Variants in CLASP1 observed in about 807,000 individuals in gnomAD.
The protein encoded by CLASP1 is cytoplasmic linker associated protein 1, also known as CLIP-associating protein 1.
CLASP1 carries 38 observed loss-of-function variants against 192.3 expected under a neutral mutation model. That is an observed-to-expected ratio of 0.20 (90% CI 0.15 to 0.26). The LOEUF (loss-of-function observed/expected upper bound fraction) is 0.26. CLASP1 is among the 10% of genes least tolerant of loss of function. The probability of loss-of-function intolerance (pLI) is 1.00; values close to 1 mark genes in which losing one functional copy is unlikely to be tolerated. For synonymous variants in CLASP1, 691 were observed against 712.8 expected (o/e 0.97, Z 0.49); for missense variants, 1,433 against 1,932.5 (o/e 0.74, Z 4.85).
intron 1 of CLASP1, among the ~76,000 whole-genome samples, chr2:121,644,137 C>T (rs1412189283): frequency 2.0e-5 from 3 of 152,180 alleles, no homozygotes; most frequent in Non-Finnish European, 4.4e-5. Flanking sequence ...ATTAACACTG[C>T]CCTCCCCTCA....
chr2:121,471,677 G>C (rs1403298170), intron 8 of CLASP1, among the ~76,000 whole-genome samples: 1 of 152,142 alleles, frequency 6.6e-6, no homozygotes, highest in Non-Finnish European at 1.5e-5. Context: ...ACACAGCGTA[G>C]GGGGAGGAGG....
intron 2 of CLASP1, among the ~76,000 whole-genome samples, chr2:121,585,883 G>C (rs1235123329): frequency 7.1e-6 from 1 of 140,780 alleles, no homozygotes; most frequent in Non-Finnish European, 1.5e-5. Flanking sequence ...CTGAGCAACA[G>C]AGCAAGACTC....
At chr2:121,490,905 C>G (rs1006709485) in intron 8 of CLASP1, among the ~76,000 whole-genome samples, 1 of 152,128 alleles carries the variant, frequency 6.6e-6, no homozygotes, top group Non-Finnish European at 1.5e-5. Context: ...GAATTGGCAC[C>G]TGATCCACTT....
At chr2:121,552,418 G>C (rs1007818454) in intron 2 of CLASP1, among the ~76,000 whole-genome samples, 3 of 152,132 alleles carry the variant, frequency 2.0e-5, no homozygotes, top group Non-Finnish European at 4.4e-5. Flanking sequence ...TACAGAATGG[G>C]AGAAAATATT....
intron 2 of CLASP1, among the ~76,000 whole-genome samples, chr2:121,553,838 A>G (rs2058267405): frequency 6.6e-6 from 1 of 152,198 alleles, no homozygotes; most frequent in Non-Finnish European, 1.5e-5. Flanking sequence ...TATTATTCAT[A>G]ATGGCAAAAA....
intron 24 of CLASP1, among the ~76,000 whole-genome samples, chr2:121,408,229 G>A (rs866388952): frequency 1.3e-5 from 2 of 152,198 alleles, no homozygotes; most frequent in Non-Finnish European, 1.5e-5. Context: ...GTAAACTTGT[G>A]TGAATATTTA....
chr2:121,586,729 G>C (rs1410871403), intron 2 of CLASP1, among the ~76,000 whole-genome samples: 1 of 152,170 alleles, frequency 6.6e-6, no homozygotes, highest in Admixed American at 6.5e-5. Flanking sequence ...GGCCCTGTGA[G>C]CATAAATCCT....
chr2:121,496,587 C>CT (rs2093543379), intron 8 of CLASP1, among the ~76,000 whole-genome samples: 1 of 54,990 alleles, frequency 1.8e-5, no homozygotes, highest in Non-Finnish European at 3.1e-5. Context: ...AAAGCTGGTT[C>CT]GGTGAAACAA....
intron 7 of CLASP1, among the ~76,000 whole-genome samples, chr2:121,507,491 A>G (rs1048570041): frequency 6.6e-6 from 1 of 152,216 alleles, no homozygotes; most frequent in South Asian, 2.1e-4. Context: ...AAGTCCCAGG[A>G]AAACAGAAAA....
At chr2:121,649,035 G>C (rs926758734) in intron 1 of CLASP1, among the ~76,000 whole-genome samples, 4 of 152,224 alleles carry the variant, frequency 2.6e-5, no homozygotes, top group African/African-American at 9.6e-5. Flanking sequence ...TCTCCCACCC[G>C]GCAGGGGAGA....
At chr2:121,474,981 G>A (rs544188044) in intron 8 of CLASP1, among the ~76,000 whole-genome samples, 1 of 152,134 alleles carries the variant, frequency 6.6e-6, no homozygotes, top group South Asian at 2.1e-4. Flanking sequence ...TAGAAACTAC[G>A]AAAAGCAAAC....
intron 2 of CLASP1, among the ~76,000 whole-genome samples, chr2:121,572,078 T>C (rs998610482): frequency 1.3e-5 from 2 of 152,184 alleles, no homozygotes; most frequent in East Asian, 3.9e-4. Context: ...CTGATTCCTA[T>C]AGCAGAGGCA....
chr2:121,392,885 C>A (rs893595419), intron 30 of CLASP1, among the ~76,000 whole-genome samples: 1 of 152,138 alleles, frequency 6.6e-6, no homozygotes, highest in African/African-American at 2.4e-5. Context: ...GCTTTTTCAC[C>A]TTGCCCAAAC....
chr2:121,447,612 T>G, intron 18 of CLASP1, 105 bp from the exon 19 acceptor site: 2 of 960,210 alleles, frequency 2.1e-6, no homozygotes, highest in Non-Finnish European at 3.0e-6. Context: ...AATACCAAGT[T>G]TTAACAAATG....
intron 16 of CLASP1, among the ~76,000 whole-genome samples, chr2:121,450,308 G>C (rs937369557): frequency 2.0e-5 from 3 of 150,932 alleles, no homozygotes; most frequent in Non-Finnish European, 4.4e-5. Flanking sequence ...TCCAGCCTGG[G>C]CAACAAAATG....
chr2:121,531,109 G>A (rs996949966), intron 2 of CLASP1: 15 of 639,332 alleles, frequency 2.3e-5, no homozygotes, highest in Admixed American at 9.2e-5. Flanking sequence ...AAGACGCGTG[G>A]TTTTAGTGTC....
At chr2:121,644,677 T>G (rs1052399589) in intron 1 of CLASP1, among the ~76,000 whole-genome samples, 2 of 151,804 alleles carry the variant, frequency 1.3e-5, no homozygotes, top group Non-Finnish European at 2.9e-5. Context: ...AGGGGAATAG[T>G]TGGGCCAGGC....
chr2:121,500,401 GAAAGAAAGAAAGAAAAAAAAGA>G, intron 8 of CLASP1, among the ~76,000 whole-genome samples: 1 of 105,628 alleles, frequency 9.5e-6, no homozygotes, highest in Non-Finnish European at 2.0e-5. Context: ...AGAAAGAAAA[GAAAGAAAGAAAGAAAAAAAAGA>G]AAAGAGAAAA....
intron 1 of CLASP1, among the ~76,000 whole-genome samples, chr2:121,611,514 G>GGAA (rs2065481814): frequency 7.2e-6 from 1 of 139,472 alleles, no homozygotes; most frequent in Non-Finnish European, 1.5e-5. Flanking sequence ...AGGAACTGGA[G>GGAA]GAGGAGGAGT....
Sources: gnomAD v4.1 joint callset for allele counts (sites outside exome capture counted in the v4.1 genomes callset) on GRCh38, gnomAD v4.1.1 for gene constraint, MANE v1.5 for transcripts, NCBI Gene and HGNC (gene_info 2026-07-23, HGNC 2026-07-21) for gene names.